The following COL6A6 variants were observed in gnomAD, a reference collection of about 807,000 sequenced individuals.
The protein encoded by COL6A6 is collagen type VI alpha 6 chain, also known as collagen alpha-6(VI) chain.
COL6A6 carries 183 observed loss-of-function variants against 208.6 expected under a neutral mutation model. That is an observed-to-expected ratio of 0.88 (90% CI 0.78 to 0.99). The LOEUF (loss-of-function observed/expected upper bound fraction) is 0.99, where lower values mean the gene tolerates loss of function less well. Among genes scored for constraint, COL6A6 ranks in the 50% least tolerant of loss-of-function variants. The pLI is 0.00. For synonymous variants in COL6A6, 973 were observed against 1,011.8 expected, an observed-to-expected ratio of 0.96 and a Z score of 0.73; for missense variants, 2,816 against 2,815.2, an observed-to-expected ratio of 1.00 and a Z score of -0.01.
chr3:130,527,000 T>G (rs997382320), intron 1 of COL6A6, among the ~76,000 whole-genome samples: 1 of 52,502 alleles, frequency 1.9e-5, no homozygotes, highest in Non-Finnish European at 6.8e-5. Context: ...GTTAAGGAAA[T>G]GGCCTTAGGC....
intron 12 of COL6A6, among the ~76,000 whole-genome samples, chr3:130,590,692 T>C (rs1353043048): frequency 1.3e-5 from 2 of 152,026 alleles, no homozygotes; most frequent in African/African-American, 2.4e-5. Context: ...CTCGGCCTCC[T>C]GAGTAGCTGG....
In COL6A6 at chr3:130,628,734, G is replaced by A. The variant is rs200402759; in HGVS notation, c.4992+1365G>A. ...ATGAAATCCATTTTAAGATCGTGTCGAAGATGGCCGAATAGGAACAGCTCC... is the reference window on the plus strand; with the variant it reads ...ATGAAATCCATTTTAAGATCGTGTCAAAGATGGCCGAATAGGAACAGCTCC... On this transcript the variant is annotated intron_variant, in intron 26 of 36. Transcript: ENST00000358511. Among the ~76,000 whole-genome samples, 3 of 64,816 alleles carry A rather than the reference G, an allele frequency of 4.6e-5. 1 individual carries two copies. Among genetic ancestry groups the A allele is most frequent in the Non-Finnish European group, 7.0e-5 (3 of 42,596 alleles). 42.5% of individuals were successfully genotyped at this position (64,816 alleles called of 152,430 possible).
At chr3:130,593,638 T>C (rs1359377712) in intron 17 of COL6A6, among the ~76,000 whole-genome samples, 3 of 152,216 alleles carry the variant, frequency 2.0e-5, no homozygotes, top group African/African-American at 7.2e-5. Flanking sequence ...TGCATCTCTT[T>C]CTGTTGGCCA....
rs1371798350 is a variant in COL6A6 at position 130,673,183 on chromosome 3, A to C, written c.6597-2019A>C. ...GACAGAGCAAGACTCTATCTCAAAAAAAAAAAACAAAAAAACAAAAAAAAC... is the reference window on the plus strand; with the variant it reads ...GACAGAGCAAGACTCTATCTCAAAACAAAAAAACAAAAAAACAAAAAAAAC... On this transcript the variant is annotated intron_variant, in intron 36 of 36. Coordinates refer to ENST00000358511, the MANE Select transcript of COL6A6 (RefSeq NM_001102608.3). 2.5e-4 allele frequency among the ~76,000 whole-genome samples: 36 copies of C among 144,182 alleles called. 1 individual carries two copies. Among genetic ancestry groups the C allele is most frequent in the Middle Eastern group, 3.4e-3 (1 of 290 alleles). The allele number at this position is 144,182 out of a possible 152,430, so 94.6% of individuals were successfully genotyped here. A position where few individuals can be genotyped will look rare whatever the true frequency, so the allele number is the denominator to read the frequency against.
chr3:130,627,183 G>T (rs2108298016), intron 25 of COL6A6, 136 bp from the exon 26 acceptor site: 1 of 691,826 alleles, frequency 1.4e-6, no homozygotes, highest in Admixed American at 2.5e-5. Flanking sequence ...AATGTTGGTG[G>T]CCTGCCCTAG....
At chr3:130,535,442 A>G (rs954518320) in intron 1 of COL6A6, among the ~76,000 whole-genome samples, 4 of 151,624 alleles carry the variant, frequency 2.6e-5, no homozygotes, top group African/African-American at 9.7e-5. Context: ...ACTTTTCACA[A>G]ATTTGTTTTT....
intron 1 of COL6A6, among the ~76,000 whole-genome samples, chr3:130,529,460 G>A (rs1367136750): frequency 3.3e-5 from 5 of 152,090 alleles, no homozygotes; most frequent in Admixed American, 6.5e-5. Flanking sequence ...AATGTATTGT[G>A]CAGATTGTAT....
At chr3:130,637,387 C>T (rs2065190133) in intron 28 of COL6A6, among the ~76,000 whole-genome samples, 1 of 151,638 alleles carries the variant, frequency 6.6e-6, no homozygotes, top group African/African-American at 2.4e-5. Context: ...CCCACAAAGT[C>T]ACATTATTCA....
In COL6A6 at chr3:130,658,640, C is replaced by G. The variant is rs767042530; in HGVS notation, c.5734-36C>G. 4 of 1,405,230 alleles carry G rather than the reference C, an allele frequency of 2.8e-6. No homozygotes were observed. In the East Asian group the frequency reaches 9.3e-5, roughly 33 times the overall value. The allele number at this position is 1,405,230 out of a possible 1,614,324, so 87.0% of individuals were successfully genotyped here. A position where few individuals can be genotyped will look rare whatever the true frequency, so the allele number is the denominator to read the frequency against. ...TCCTAAGAGGTTCTTGCAGCCCTAC[C>G]CACTAAGTTCTTTCTGCTGCTTCTG... On this transcript the variant is annotated intron_variant, in intron 33 of 36. Transcript: ENST00000358511.
Position 130,592,863 on chromosome 3 carries a change from C to G in COL6A6, c.4371+141C>G, listed in dbSNP as rs201226107. The stretch of plus-strand genomic sequence containing the variant: ...TATTGCCAGCCATTTCATTTTGTTT[C>G]TTCTTCTCTTTCATTATAGGCAATA... On this transcript the variant is annotated intron_variant, in intron 15 of 36. Coordinates refer to ENST00000358511, the MANE Select transcript of COL6A6 (RefSeq NM_001102608.3). The G allele has an allele frequency of 2.0e-5, 18 of 918,034 alleles. No homozygotes were observed. The East Asian group carries it at 4.5e-4, about 23-fold the overall frequency. 56.9% of individuals were successfully genotyped at this position (918,034 alleles called of 1,614,324 possible). A position where few individuals can be genotyped will look rare whatever the true frequency, so the allele number is the denominator to read the frequency against.
intron 18 of COL6A6, among the ~76,000 whole-genome samples, chr3:130,594,789 T>C (rs9818669): frequency 0.99 from 150,484 of 152,296 alleles, 74,361 homozygotes; most frequent in African/African-American, 1. Flanking sequence ...TAGTTCCACA[T>C]GGCTGAGGTG....
chr3:130,522,802 C>G (rs56213989), intron 1 of COL6A6, among the ~76,000 whole-genome samples: 1 of 152,072 alleles, frequency 6.6e-6, no homozygotes, highest in Non-Finnish European at 1.5e-5. Context: ...CCAAGTCTTA[C>G]AAATTTAATT....
intron 33 of COL6A6, among the ~76,000 whole-genome samples, chr3:130,657,122 A>C (rs1484156875): frequency 6.6e-6 from 1 of 152,222 alleles, no homozygotes; most frequent in African/African-American, 2.4e-5. Flanking sequence ...CCACAGCTGG[A>C]TGGCCGCAGC....
chr3:130,520,915 T>G (rs1441098354), intron 1 of COL6A6, among the ~76,000 whole-genome samples: 1 of 152,206 alleles, frequency 6.6e-6, no homozygotes, highest in Non-Finnish European at 1.5e-5. Context: ...TCTAAGGAGA[T>G]GTACTCATTT....
At chr3:130,636,044 C>G (rs2108329045) in intron 28 of COL6A6, among the ~76,000 whole-genome samples, 1 of 152,304 alleles carries the variant, frequency 6.6e-6, no homozygotes, top group Admixed American at 6.5e-5. Context: ...CCTTGTGATT[C>G]AAAACAGCTT....
intron 1 of COL6A6, among the ~76,000 whole-genome samples, chr3:130,536,823 A>G (rs952257305): frequency 3.3e-5 from 5 of 152,268 alleles, no homozygotes; most frequent in Non-Finnish European, 7.3e-5. Flanking sequence ...TTAGTTTAAA[A>G]TGAAGCACAC....
chr3:130,550,407 T>C (rs1192540538), intron 1 of COL6A6, among the ~76,000 whole-genome samples: 1 of 152,230 alleles, frequency 6.6e-6, no homozygotes, highest in Non-Finnish European at 1.5e-5. Flanking sequence ...TGCTTCCAGC[T>C]TTCCCCATTC....
chr3:130,531,453 C>T (rs1470782423), intron 1 of COL6A6, among the ~76,000 whole-genome samples: 2 of 152,168 alleles, frequency 1.3e-5, no homozygotes, highest in Non-Finnish European at 2.9e-5. Context: ...AATGTATGAG[C>T]TCTTCCCCCT....
Position 130,620,483 on chromosome 3 carries a change from A to G in COL6A6, c.4816-1338A>G, listed in dbSNP as rs551242643. Among the ~76,000 whole-genome samples, 3 of 152,310 alleles carry G rather than the reference A, an allele frequency of 2.0e-5. No homozygotes were observed. In the South Asian group the frequency reaches 6.2e-4, roughly 32 times the overall value. On this transcript the variant is annotated intron_variant, in intron 23 of 36. Coordinates refer to ENST00000358511, the MANE Select transcript of COL6A6 (RefSeq NM_001102608.3). The stretch of plus-strand genomic sequence containing the variant: ...AAAAAGGTGAGGGCAAAAAAGTGTC[A>G]ACTGGACTGAACATGAAAGTCAAAG...
Sources: gnomAD v4.1 joint callset for allele counts (sites outside exome capture counted in the v4.1 genomes callset) on GRCh38, gnomAD v4.1.1 for gene constraint, MANE v1.5 for transcripts, NCBI Gene and HGNC (gene_info 2026-07-23, HGNC 2026-07-21) for gene names.